Variants in DPP6 observed in about 807,000 individuals in gnomAD.
DPP6 encodes the protein dipeptidyl peptidase like 6.
In DPP6, 69 loss-of-function variants were observed where a neutral mutation model predicts 122.6. The observed-to-expected ratio is 0.56, with a 90% CI of 0.46 to 0.69. The LOEUF (loss-of-function observed/expected upper bound fraction) is 0.69, where lower values mean the gene tolerates loss of function less well. Ranked by LOEUF, DPP6 falls within the 30% of genes least tolerant of loss-of-function variation. DPP6 has a pLI of 0.00. For synonymous variants in DPP6, 418 were observed against 433.1 expected (o/e 0.97, Z 0.43); for missense variants, 928 against 1,116.9 (o/e 0.83, Z 2.41).
chr7:154,371,837 A>G (rs959583282), intron 1 of DPP6, among the ~76,000 whole-genome samples: 6 of 152,110 alleles, frequency 3.9e-5, no homozygotes, highest in Non-Finnish European at 8.8e-5. Flanking sequence ...CTACACAAAC[A>G]TGACCTTTCC....
rs550678059 is a variant in DPP6 at position 154,726,495 on chromosome 7, G to T, written c.763-1272G>T. Among the ~76,000 whole-genome samples the T allele has an allele frequency of 4.6e-5, 7 of 152,298 alleles. No homozygotes were observed. In the South Asian group the frequency reaches 1.4e-3, roughly 32 times the overall value. ...CTGTACCTTGGCCTCTTTTAGCCAT[G>T]GCTGGAGCTGGTGTGGGCGCAATGC... On this transcript the variant is annotated intron_variant, in intron 7 of 25. Transcript: ENST00000377770.
chr7:154,849,690 C>G (rs927910407), intron 16 of DPP6, among the ~76,000 whole-genome samples: 2 of 152,210 alleles, frequency 1.3e-5, no homozygotes, highest in African/African-American at 4.8e-5. Context: ...CTTGCTAAGA[C>G]TCCCAGGACT....
chr7:154,032,595 TAC>T (rs1799301285), intron 1 of DPP6, among the ~76,000 whole-genome samples: 2 of 152,202 alleles, frequency 1.3e-5, no homozygotes, highest in Non-Finnish European at 2.9e-5. Flanking sequence ...GCAATATAAA[TAC>T]ATTTTATTTT....
chr7:154,712,763 A>T lies in DPP6; in HGVS notation c.763-15004A>T, dbSNP rs1267191175. 7.9e-5 allele frequency among the ~76,000 whole-genome samples: 12 copies of T among 152,320 alleles called. No individual in the cohort carries two copies. In the East Asian group the frequency reaches 2.3e-3, roughly 29 times the overall value. On this transcript the variant is annotated intron_variant, in intron 7 of 25. Transcript: ENST00000377770. ...CCTGGTCCGTCTGAAGACACATGGG[A>T]GTTATAGGAACTACAGTTCAGGATG...
chr7:154,582,241 G>C (rs1832122007), intron 5 of DPP6, among the ~76,000 whole-genome samples: 1 of 152,178 alleles, frequency 6.6e-6, no homozygotes, highest in South Asian at 2.1e-4. Flanking sequence ...CAGCTGAAGG[G>C]GTGTTTCTGG....
At chr7:154,686,660 CA>C (rs1194363753) in intron 7 of DPP6, among the ~76,000 whole-genome samples, 1 of 152,172 alleles carries the variant, frequency 6.6e-6, no homozygotes, top group African/African-American at 2.4e-5. Flanking sequence ...AGTTATCCAG[CA>C]CAGCATTCCT....
rs995901402 is a variant in DPP6, at chr7:154,271,367, A to G, written c.244-174847A>G. ...GAACACATATATTGTTGCAAAGAGG[A>G]AGAGCCTATTGAAATCAGACGTGGG... On this transcript the variant is annotated intron_variant, in intron 1 of 25. Transcript: ENST00000377770. 1.2e-4 allele frequency among the ~76,000 whole-genome samples: 19 copies of G among 152,246 alleles called. 1 individual carries two copies. The highest frequency in any genetic ancestry group is 3.3e-4 in the Admixed American group (5 of 15,296).
chr7:154,007,839 C>T (rs1797978550), intron 1 of DPP6, among the ~76,000 whole-genome samples: 1 of 152,084 alleles, frequency 6.6e-6, no homozygotes, highest in Non-Finnish European at 1.5e-5. Context: ...ACCTCGGGAT[C>T]CTTCACAGCC....
At chr7:153,903,220 A>G (rs1442512831) in intron 1 of DPP6, among the ~76,000 whole-genome samples, 1 of 152,328 alleles carries the variant, frequency 6.6e-6, no homozygotes, top group East Asian at 1.9e-4. Flanking sequence ...ATTCAGGACT[A>G]GGAGCATTTG....
chr7:153,792,445 G>T, the DPP6 span, among the ~76,000 whole-genome samples: 2 of 150,222 alleles, frequency 1.3e-5, no homozygotes, highest in Admixed American at 1.3e-4. Flanking sequence ...TATTTCTTAA[G>T]TGCTTAGGGA....
chr7:154,181,045 A>C (rs1027269407), intron 1 of DPP6, among the ~76,000 whole-genome samples: 46 of 152,142 alleles, frequency 3.0e-4, no homozygotes, highest in African/African-American at 1.1e-3. Context: ...TCCTGTAGCT[A>C]TCTGTGTTGC....
At chr7:154,788,118 T>C (rs980097078) in intron 10 of DPP6, among the ~76,000 whole-genome samples, 2 of 152,150 alleles carry the variant, frequency 1.3e-5, no homozygotes, top group Non-Finnish European at 2.9e-5. Flanking sequence ...TAATTTTGAG[T>C]TGCCTTCATA....
chr7:154,418,879 C>T (rs1817235739), intron 1 of DPP6, among the ~76,000 whole-genome samples: 1 of 152,188 alleles, frequency 6.6e-6, no homozygotes, highest in Non-Finnish European at 1.5e-5. Flanking sequence ...CAAGCGTGTT[C>T]AAGTACCACC....
the DPP6 span, among the ~76,000 whole-genome samples, chr7:153,806,870 C>A: frequency 2.0e-5 from 3 of 151,712 alleles, no homozygotes; most frequent in Admixed American, 6.6e-5. Flanking sequence ...GAAAGAGTTT[C>A]TTTTGAGTAC....
At chr7:154,850,749 T>C (rs1164866054) in intron 16 of DPP6, among the ~76,000 whole-genome samples, 6 of 152,240 alleles carry the variant, frequency 3.9e-5, no homozygotes, top group South Asian at 2.1e-4. Context: ...TTGTTCATAG[T>C]AGTCGCTTAA....
At position 154,508,802 on chromosome 7, in the gene DPP6, T is replaced by C. The variant is rs564175042; in HGVS notation, c.458-31730T>C. Among the ~76,000 whole-genome samples the C allele has an allele frequency of 2.0e-5, 3 of 152,330 alleles. No homozygotes were observed. The South Asian group carries it at 6.2e-4, about 32-fold the overall frequency. On this transcript the variant is annotated intron_variant, in intron 3 of 25. Transcript: ENST00000377770. ...AGAGAAGAGAAAATAGCATAGATTT[T>C]CTATGTTATGGAGTAAAGTTGTATA...
At chr7:154,002,220 T>C (rs1444701977) in intron 1 of DPP6, among the ~76,000 whole-genome samples, 2 of 151,924 alleles carry the variant, frequency 1.3e-5, no homozygotes, top group African/African-American at 2.4e-5. Context: ...TTTCATGTCA[T>C]GCGTATTTTT....
upstream of DPP6, among the ~76,000 whole-genome samples, chr7:153,883,611 C>G (rs1798815064): frequency 6.6e-6 from 1 of 152,178 alleles, no homozygotes; most frequent in African/African-American, 2.4e-5. Context: ...AACTCCTGAC[C>G]TCAGGTGGTC....
chr7:154,779,060 A>ACCTCCACCACCACCACCACAACTACCC (rs1563201181), intron 10 of DPP6, among the ~76,000 whole-genome samples: 6 of 2,194 alleles, frequency 2.7e-3, no homozygotes, highest in Non-Finnish European at 2.6e-3. Context: ...CCCCACCATC[A>ACCTCCACCACCACCACCACAACTACCC]CCACCATCAC....
Sources: allele counts gnomAD v4.1 joint callset (sites outside exome capture counted in the v4.1 genomes callset), GRCh38; gene constraint gnomAD v4.1.1; transcripts MANE v1.5; gene names NCBI Gene and HGNC (gene_info 2026-07-23, HGNC 2026-07-21).